Variants in LTBP1 observed in about 807,000 individuals in gnomAD.
LTBP1 encodes the protein latent-transforming growth factor beta-binding protein 1.
A neutral mutation model predicts 207.6 loss-of-function variants in LTBP1; 129 were observed. The observed-to-expected ratio is 0.62, with a 90% CI of 0.54 to 0.72. LTBP1 has a LOEUF of 0.72. Among genes scored for constraint, LTBP1 ranks in the 30% least tolerant of loss-of-function variants. LTBP1 has a pLI of 0.00. For missense variants in LTBP1, 2,281 were observed against 2,217.2 expected (o/e 1.03, Z -0.58); for synonymous variants, 963 against 833.7 (o/e 1.16, Z -2.67).
chr2:33,004,349 G>A (rs574240253), intron 2 of LTBP1, among the ~76,000 whole-genome samples: 1 of 152,018 alleles, frequency 6.6e-6, no homozygotes, highest in African/African-American at 2.4e-5. Flanking sequence ...TCCTCACAGA[G>A]TTCTGTGGGC....
In LTBP1 at chr2:33,056,404, C is replaced by T. The variant is rs370044517; in HGVS notation, c.863+35198C>T. The T allele has an allele frequency of 3.5e-5, 41 of 1,159,394 alleles. No homozygotes were observed. The Middle Eastern group carries it at 6.3e-4, about 18-fold the overall frequency. The allele number at this position is 1,159,394 out of a possible 1,614,324, so 71.8% of individuals were successfully genotyped here. ...ATGGCCTGGATGTTAGGCAAAATGC[C>T]GCCCTGGGCGATGGTGACTTTGCCC... On this transcript the variant is annotated intron_variant, in intron 3 of 33. Coordinates refer to ENST00000404816, the MANE Select transcript of LTBP1 (RefSeq NM_206943.4).
intron 24 of LTBP1, among the ~76,000 whole-genome samples, chr2:33,324,855 C>A (rs2094406613): frequency 6.6e-6 from 1 of 151,936 alleles, no homozygotes; most frequent in African/African-American, 2.4e-5. Context: ...GCATGTGCCA[C>A]CACACCCGAC....
chr2:33,176,167 A>T (rs1007779710), intron 5 of LTBP1, among the ~76,000 whole-genome samples: 2 of 152,058 alleles, frequency 1.3e-5, no homozygotes, highest in Non-Finnish European at 2.9e-5. Context: ...ATAATAAAAT[A>T]AAAAAATAGA....
chr2:32,992,487 T>C (rs1684570652), intron 2 of LTBP1, among the ~76,000 whole-genome samples: 1 of 152,260 alleles, frequency 6.6e-6, no homozygotes, highest in Non-Finnish European at 1.5e-5. Flanking sequence ...GTAGGATGCT[T>C]GCAGAGAAAT....
chr2:33,161,930 C>A (rs896587270), intron 5 of LTBP1, among the ~76,000 whole-genome samples: 4 of 152,144 alleles, frequency 2.6e-5, no homozygotes, highest in Non-Finnish European at 5.9e-5. Flanking sequence ...TGAATTGTTT[C>A]TTTCAGATGG....
intron 20 of LTBP1, among the ~76,000 whole-genome samples, chr2:33,298,816 TAAG>T (rs1373834606): frequency 6.6e-6 from 1 of 152,088 alleles, no homozygotes; most frequent in Non-Finnish European, 1.5e-5. Flanking sequence ...TTAAATAAAA[TAAG>T]AAACAAATTT....
At chr2:33,286,087 C>A (rs553074529) in intron 19 of LTBP1, among the ~76,000 whole-genome samples, 35 of 152,290 alleles carry the variant, frequency 2.3e-4, no homozygotes, top group African/African-American at 8.2e-4. Flanking sequence ...TGCAGCTAGC[C>A]TTTTGGGGGT....
intron 15 of LTBP1, among the ~76,000 whole-genome samples, chr2:33,266,816 C>A (rs989891774): frequency 6.6e-6 from 1 of 152,178 alleles, no homozygotes; most frequent in Non-Finnish European, 1.5e-5. Context: ...TTTCTGTATA[C>A]CTCATTCTTC....
chr2:33,150,718 T>C (rs1267816878), intron 5 of LTBP1, among the ~76,000 whole-genome samples: 22 of 115,330 alleles, frequency 1.9e-4, no homozygotes, highest in Admixed American at 5.9e-4. Context: ...TTCTTTTTTT[T>C]TTTTTTTTTT....
At chr2:33,170,454 G>T (rs1211577227) in intron 5 of LTBP1, among the ~76,000 whole-genome samples, 2 of 152,216 alleles carry the variant, frequency 1.3e-5, no homozygotes, top group African/African-American at 4.8e-5. Flanking sequence ...GCTGGGGGAG[G>T]GGCGCCCGCC....
chr2:33,018,149 A>T (rs745354735), intron 2 of LTBP1, among the ~76,000 whole-genome samples: 25 of 149,712 alleles, frequency 1.7e-4, no homozygotes, highest in Non-Finnish European at 2.5e-4. Context: ...TTGTAAGTTC[A>T]AAGTTTTTTT....
intron 30 of LTBP1, 95 bp from the exon 31 acceptor site, chr2:33,365,238 A>C: frequency 6.7e-6 from 7 of 1,052,130 alleles, no homozygotes; most frequent in Non-Finnish European, 1.0e-5. Flanking sequence ...TCTTAGAAAT[A>C]GAGATGGAAA....
At chr2:33,216,923 T>C (rs944724976) in intron 7 of LTBP1, among the ~76,000 whole-genome samples, 4 of 152,222 alleles carry the variant, frequency 2.6e-5, no homozygotes, top group African/African-American at 9.6e-5. Flanking sequence ...TTCTGCCTGC[T>C]CAAGCTGGTC....
intron 9 of LTBP1, among the ~76,000 whole-genome samples, chr2:33,224,666 T>C (rs984074950): frequency 7.2e-5 from 11 of 152,166 alleles, no homozygotes; most frequent in African/African-American, 2.7e-4. Flanking sequence ...TAATCTGTAT[T>C]ACCTTAGAAA....
At chr2:33,010,468 C>CTAA (rs1260125234) in intron 2 of LTBP1, among the ~76,000 whole-genome samples, 3 of 152,026 alleles carry the variant, frequency 2.0e-5, no homozygotes, top group African/African-American at 7.2e-5. Context: ...GAGTAGGTGG[C>CTAA]TAAAGTTAAC....
chr2:33,269,838 G>T (rs1573532196), intron 15 of LTBP1, among the ~76,000 whole-genome samples: 1 of 152,028 alleles, frequency 6.6e-6, no homozygotes. Context: ...CTTGTGTACT[G>T]TCTATGTGCT....
intron 3 of LTBP1, among the ~76,000 whole-genome samples, chr2:33,034,132 TAGC>T (rs1471894346): frequency 2.6e-5 from 4 of 152,034 alleles, no homozygotes; most frequent in African/African-American, 9.7e-5. Context: ...ACTTTCTCCT[TAGC>T]AGCGTTCTGG....
At chr2:33,054,553 G>A (rs2076895986) in intron 3 of LTBP1, among the ~76,000 whole-genome samples, 1 of 152,182 alleles carries the variant, frequency 6.6e-6, no homozygotes, top group African/African-American at 2.4e-5. Flanking sequence ...CTAATAAGGT[G>A]TGGGACTTAC....
intron 3 of LTBP1, among the ~76,000 whole-genome samples, chr2:33,041,305 G>C (rs2076171127): frequency 6.6e-6 from 1 of 151,304 alleles, no homozygotes; most frequent in Non-Finnish European, 1.5e-5. Flanking sequence ...TCTTTTTTGA[G>C]ACGGAGTCTC....
Sources: gnomAD v4.1 joint callset for allele counts (sites outside exome capture counted in the v4.1 genomes callset) on GRCh38, gnomAD v4.1.1 for gene constraint, MANE v1.5 for transcripts, NCBI Gene and HGNC (gene_info 2026-07-23, HGNC 2026-07-21) for gene names.